The following ANKS1A variants were observed in gnomAD, a reference collection of about 807,000 sequenced individuals.
ANKS1A encodes the protein ankyrin repeat and sterile alpha motif domain containing 1A.
ANKS1A carries 55 observed loss-of-function variants against 120.3 expected under a neutral mutation model. The ratio of observed to expected loss-of-function variants is 0.46; its 90% confidence interval spans 0.37 to 0.57. The LOEUF is 0.57. ANKS1A is among the 20% of genes least tolerant of loss of function. ANKS1A has a pLI of 0.00. For synonymous variants in ANKS1A, 590 were observed against 604.7 expected, an observed-to-expected ratio of 0.98 and a Z score of 0.36; for missense variants, 1,123 against 1,480.3, an observed-to-expected ratio of 0.76 and a Z score of 3.96.
intron 1 of ANKS1A, among the ~76,000 whole-genome samples, chr6:34,966,483 G>A (rs1368394313): frequency 2.0e-5 from 3 of 152,160 alleles, no homozygotes; most frequent in African/African-American, 4.8e-5. Context: ...AAACAAGTTT[G>A]CCCTCTGCTA....
intron 11 of ANKS1A, among the ~76,000 whole-genome samples, chr6:35,043,923 A>G (rs1055166418): frequency 6.6e-6 from 1 of 152,198 alleles, no homozygotes; most frequent in East Asian, 1.9e-4. Context: ...ATTTTTTACA[A>G]CTTACTTCCC....
chr6:34,981,640 G>A, intron 3 of ANKS1A, 50 bp from the exon 4 acceptor site: 1 of 1,574,788 alleles, frequency 6.4e-7, no homozygotes, highest in Non-Finnish European at 8.7e-7. Flanking sequence ...CCAGTCAGGT[G>A]CCTGTCTGCC....
At chr6:35,012,446 A>G (rs1773807496) in intron 10 of ANKS1A, among the ~76,000 whole-genome samples, 1 of 152,210 alleles carries the variant, frequency 6.6e-6, no homozygotes, top group African/African-American at 2.4e-5. Context: ...TTTGATGCTC[A>G]CTATAGTGAC....
intron 2 of ANKS1A, 105 bp downstream of exon 2, chr6:34,967,424 ATG>A: frequency 9.1e-7 from 1 of 1,096,522 alleles, no homozygotes; most frequent in Non-Finnish European, 1.3e-6. Flanking sequence ...TTAGTGGCTC[ATG>A]CCTGTAATCC....
At chr6:34,932,983 A>G (rs1465186817) in intron 1 of ANKS1A, among the ~76,000 whole-genome samples, 1 of 152,210 alleles carries the variant, frequency 6.6e-6, no homozygotes, top group Non-Finnish European at 1.5e-5. Context: ...ATTTCTCCAT[A>G]TACTCACTGA....
At position 35,018,042 on chromosome 6, in the gene ANKS1A, G is replaced by T. The variant is rs765735862; in HGVS notation, c.1993G>T (p.Ala665Ser). The stretch of plus-strand genomic sequence containing the variant: ...AAGGCTAGAGAAGTCACCCTCCTTC[G>T]CCTCGGAGTGGGATGAGGTAAGGCC... ...KKRLEKSPSF[A>S]SEWDEIEKIM... is the part of the protein sequence containing the mutation. Residue 665 changes from alanine (A) to serine (S), a missense_variant, in exon 11 of 24, where the codon GCC becomes TCC. Physicochemically the swap from Ala to Ser is moderately conservative, Grantham distance 99. This residue lies in a region of ANKS1A where 904 missense variants were observed against 1,130.4 expected (regional missense o/e 0.80). Transcript: ENST00000360359. 1.9e-6 allele frequency: 3 copies of T among 1,613,592 alleles called. No individual in the cohort carries two copies. Among genetic ancestry groups the T allele is most frequent in the Non-Finnish European group, 2.5e-6 (3 of 1,179,890 alleles).
intron 13 of ANKS1A, among the ~76,000 whole-genome samples, chr6:35,066,550 G>A (rs147362212): frequency 1.3e-5 from 2 of 151,958 alleles, no homozygotes; most frequent in Non-Finnish European, 2.9e-5. Flanking sequence ...GGAGAACAGG[G>A]GTCAGAGTGG....
chr6:34,926,547 T>TG (rs1465378945), intron 1 of ANKS1A, among the ~76,000 whole-genome samples: 1 of 152,192 alleles, frequency 6.6e-6, no homozygotes, highest in Admixed American at 6.5e-5. Flanking sequence ...CCTTGACCCC[T>TG]GGGCTGTGGA....
intron 10 of ANKS1A, among the ~76,000 whole-genome samples, chr6:34,996,881 G>GT (rs1251529118): frequency 6.6e-6 from 1 of 152,182 alleles, no homozygotes; most frequent in Non-Finnish European, 1.5e-5. Context: ...TATGGATCAA[G>GT]TTTCATTGTT....
intron 3 of ANKS1A, among the ~76,000 whole-genome samples, chr6:34,977,397 ATTT>A (rs35012141): frequency 2.2e-4 from 32 of 144,952 alleles, no homozygotes; most frequent in Admixed American, 2.0e-4. Context: ...GCATTTTAGC[ATTT>A]TTTTTTTTTT....
chr6:34,994,696 G>T (rs1333250966), intron 10 of ANKS1A, among the ~76,000 whole-genome samples: 1 of 152,188 alleles, frequency 6.6e-6, no homozygotes. Flanking sequence ...GAGACCACCA[G>T]CCCCACGGCA....
chr6:34,927,869 C>CCT, intron 1 of ANKS1A, among the ~76,000 whole-genome samples: 1 of 152,030 alleles, frequency 6.6e-6, no homozygotes, highest in East Asian at 1.9e-4. Context: ...GAGAGCAGTT[C>CCT]CTCACCCACC....
At chr6:35,030,489 T>G (rs920639205) in intron 11 of ANKS1A, among the ~76,000 whole-genome samples, 1 of 152,240 alleles carries the variant, frequency 6.6e-6, no homozygotes, top group Admixed American at 6.5e-5. Context: ...AGCTCCCTTA[T>G]GAACAAAGTC....
intron 1 of ANKS1A, among the ~76,000 whole-genome samples, chr6:34,927,652 T>G (rs1768783523): frequency 6.6e-6 from 1 of 152,182 alleles, no homozygotes; most frequent in South Asian, 2.1e-4. Flanking sequence ...AGTGACAGCC[T>G]TGGGCATAAA....
At chr6:34,934,537 C>A (rs1166299419) in intron 1 of ANKS1A, among the ~76,000 whole-genome samples, 51 of 152,196 alleles carry the variant, frequency 3.4e-4, no homozygotes, top group Non-Finnish European at 8.8e-5. Context: ...AGCTTTAAAT[C>A]ATTTTGGCAT....
At chr6:35,016,991 T>C (rs1581650152) in intron 10 of ANKS1A, among the ~76,000 whole-genome samples, 1 of 131,994 alleles carries the variant, frequency 7.6e-6, no homozygotes, top group East Asian at 2.3e-4. Context: ...GGAGGGCGGG[T>C]GGCCTTTAAA....
chr6:34,922,320 A>G (rs1362950115), intron 1 of ANKS1A, among the ~76,000 whole-genome samples: 2 of 152,204 alleles, frequency 1.3e-5, no homozygotes, highest in African/African-American at 4.8e-5. Flanking sequence ...GTCTGAGGTC[A>G]TAGAGCTATT....
chr6:35,030,923 A>G (rs1365865526), intron 11 of ANKS1A, among the ~76,000 whole-genome samples: 2 of 152,188 alleles, frequency 1.3e-5, no homozygotes, highest in Admixed American at 6.5e-5. Flanking sequence ...ATCGTATGAC[A>G]TTGTTACAGA....
At chr6:34,894,895 G>A (rs891229936) in intron 1 of ANKS1A, among the ~76,000 whole-genome samples, 5 of 152,154 alleles carry the variant, frequency 3.3e-5, no homozygotes, top group African/African-American at 1.2e-4. Flanking sequence ...AAGAAAAGAG[G>A]AAGCCAAGGA....
Sources: gnomAD v4.1 joint callset for allele counts (sites outside exome capture counted in the v4.1 genomes callset) on GRCh38, gnomAD v4.1.1 for gene constraint, gnomAD v4.1.1 regional missense constraint, MANE v1.5 for transcripts, NCBI Gene and HGNC (gene_info 2026-07-23, HGNC 2026-07-21) for gene names.